The following TRAF3 variants were observed in gnomAD, a reference collection of about 807,000 sequenced individuals.
The protein encoded by TRAF3 is TNF receptor-associated factor 3.
A neutral mutation model predicts 62.3 loss-of-function variants in TRAF3; 13 were observed. That is an observed-to-expected ratio of 0.21 (90% CI 0.14 to 0.33). The LOEUF (loss-of-function observed/expected upper bound fraction) is 0.33, where lower values mean the gene tolerates loss of function less well. Ranked by LOEUF, TRAF3 falls within the 10% of genes least tolerant of loss-of-function variation. The pLI is 1.00. For synonymous variants in TRAF3, 269 were observed against 283.4 expected, an observed-to-expected ratio of 0.95 and a Z score of 0.51; for missense variants, 440 against 741.8, an observed-to-expected ratio of 0.59 and a Z score of 4.73.
chr14:102,878,040 C>T (rs1888816896), intron 6 of TRAF3, among the ~76,000 whole-genome samples: 1 of 152,176 alleles, frequency 6.6e-6, no homozygotes, highest in Non-Finnish European at 1.5e-5. Context: ...TTTGTTTTGC[C>T]TATTTTGATT....
rs184838899 is a variant in TRAF3, at chr14:102,808,231, G to A, written c.-156-22103G>A. On this transcript the variant is annotated intron_variant, in intron 1 of 11. Coordinates refer to ENST00000392745, the MANE Select transcript of TRAF3 (RefSeq NM_145725.3). Reference sequence around the variant, plus strand: ...ATGGATGTGAAAGAAGAACACACTAGGCCAGGTGCGGTGGCTCACACCTGT... The same window carrying A: ...ATGGATGTGAAAGAAGAACACACTAAGCCAGGTGCGGTGGCTCACACCTGT... Among the ~76,000 whole-genome samples the A allele has an allele frequency of 2.9e-3, 448 of 152,260 alleles. 3 individuals carry two copies. Among genetic ancestry groups the A allele is most frequent in the Non-Finnish European group, 2.9e-3 (195 of 68,026 alleles).
At chr14:102,780,103 G>A (rs1052375346) in intron 1 of TRAF3, among the ~76,000 whole-genome samples, 2 of 152,098 alleles carry the variant, frequency 1.3e-5, no homozygotes, top group South Asian at 2.1e-4. Flanking sequence ...AGGAGGTGAG[G>A]CCAGAGGATT....
chr14:102,853,651 A>G (rs1887183067), intron 2 of TRAF3, among the ~76,000 whole-genome samples: 1 of 152,022 alleles, frequency 6.6e-6, no homozygotes, highest in East Asian at 1.9e-4. Context: ...CCTCGCCAAC[A>G]TGGTGAAACC....
chr14:102,867,766 G>A (rs1226006687), intron 2 of TRAF3, among the ~76,000 whole-genome samples: 1 of 152,170 alleles, frequency 6.6e-6, no homozygotes, highest in African/African-American at 2.4e-5. Flanking sequence ...TAATGGACCG[G>A]CAAGTTTGTA....
chr14:102,850,297 T>G (rs1886958850), intron 2 of TRAF3, among the ~76,000 whole-genome samples: 1 of 152,166 alleles, frequency 6.6e-6, no homozygotes, highest in Admixed American at 6.6e-5. Context: ...ATGCCTTTCA[T>G]TTAGCTAAAA....
intron 2 of TRAF3, among the ~76,000 whole-genome samples, chr14:102,858,528 A>G (rs1008732897): frequency 5.4e-5 from 4 of 74,288 alleles, no homozygotes; most frequent in East Asian, 5.2e-4. Context: ...TTGAAGTCCT[A>G]TAATAGCTGA....
chr14:102,897,779 G>A (rs916935162), intron 10 of TRAF3, among the ~76,000 whole-genome samples: 3 of 152,224 alleles, frequency 2.0e-5, no homozygotes, highest in African/African-American at 7.2e-5. Flanking sequence ...CCTGCAGTGA[G>A]GTGCTGTGCA....
chr14:102,889,796 A>T (rs1889607601), intron 8 of TRAF3, among the ~76,000 whole-genome samples, 162 bp downstream of exon 8: 1 of 152,238 alleles, frequency 6.6e-6, no homozygotes, highest in African/African-American at 2.4e-5. Context: ...AGCAGGTGGG[A>T]TGCTCGCTTT....
intron 2 of TRAF3, among the ~76,000 whole-genome samples, chr14:102,867,881 A>C (rs1361440311): frequency 6.6e-6 from 1 of 152,232 alleles, no homozygotes; most frequent in Non-Finnish European, 1.5e-5. Flanking sequence ...TGTTCTATGA[A>C]GCTAACCCAA....
intron 2 of TRAF3, among the ~76,000 whole-genome samples, chr14:102,859,265 A>G (rs910404801): frequency 2.0e-5 from 3 of 151,818 alleles, no homozygotes; most frequent in African/African-American, 7.3e-5. Context: ...TTCCCTACAC[A>G]CCTTGCATGT....
chr14:102,874,010 A>G (rs1288254517), intron 4 of TRAF3, among the ~76,000 whole-genome samples: 4 of 152,182 alleles, frequency 2.6e-5, no homozygotes. Flanking sequence ...CTGGGATCCC[A>G]GGACTTTGGG....
chr14:102,872,251 G>A (rs529421905), intron 4 of TRAF3, among the ~76,000 whole-genome samples: 3 of 152,340 alleles, frequency 2.0e-5, no homozygotes, highest in South Asian at 4.1e-4. Flanking sequence ...GGTGTGAGGA[G>A]TAAGGGGTTG....
At chr14:102,796,539 G>A (rs897274502) in intron 1 of TRAF3, among the ~76,000 whole-genome samples, 1 of 152,192 alleles carries the variant, frequency 6.6e-6, no homozygotes, top group Non-Finnish European at 1.5e-5. Flanking sequence ...GTGGGGATGG[G>A]GGGTGGACAG....
chr14:102,889,865 A>C (rs1035392830), intron 8 of TRAF3, among the ~76,000 whole-genome samples: 1 of 152,238 alleles, frequency 6.6e-6, no homozygotes, highest in African/African-American at 2.4e-5. Context: ...AAGTTAATAC[A>C]TTAAGAGAAG....
chr14:102,851,758 TATC>T (rs1478969589), intron 2 of TRAF3, among the ~76,000 whole-genome samples: 1 of 150,026 alleles, frequency 6.7e-6, no homozygotes, highest in Non-Finnish European at 1.5e-5. Flanking sequence ...AAAAAGAAAT[TATC>T]ATCACAGGCC....
chr14:102,808,156 C>G lies in TRAF3; in HGVS notation c.-156-22178C>G, dbSNP rs568805062. 4.6e-5 allele frequency among the ~76,000 whole-genome samples: 7 copies of G among 152,240 alleles called. No individual in the cohort carries two copies. The East Asian group carries it at 1.3e-3, about 29-fold the overall frequency. The stretch of plus-strand genomic sequence containing the variant: ...ACAGAGAGTCACTTTGGCCACGTCC[C>G]TGGTTTGCCACAGGCTGATACTGGA... On this transcript the variant is annotated intron_variant, in intron 1 of 11. Coordinates refer to ENST00000392745, the MANE Select transcript of TRAF3 (RefSeq NM_145725.3).
chr14:102,820,598 ATATATATATATATATATTTTTTTTTT>A (rs1196694454), intron 1 of TRAF3, among the ~76,000 whole-genome samples: 2 of 13,260 alleles, frequency 1.5e-4, no homozygotes, highest in African/African-American at 5.3e-4. Flanking sequence ...ATATATATAT[ATATATATATATATATATTTTTTTTTT>A]TTTTTTTTTT....
chr14:102,860,776 C>G (rs1887634306), intron 2 of TRAF3, among the ~76,000 whole-genome samples: 1 of 152,248 alleles, frequency 6.6e-6, no homozygotes, highest in Admixed American at 6.5e-5. Flanking sequence ...TGGGCAGTTT[C>G]CACTGCTTTT....
rs544518598 is a variant in TRAF3, at chr14:102,793,611, C to G, written c.-157+15936C>G. On this transcript the variant is annotated intron_variant, in intron 1 of 11. Coordinates refer to ENST00000392745, the MANE Select transcript of TRAF3 (RefSeq NM_145725.3). ...CCATGTACTTCCCCTCTTCTCAACA[C>G]AGACACATTCATGTTGTAGTGCCAG... is the stretch of plus-strand genomic sequence containing the variant. Among the ~76,000 whole-genome samples the G allele has an allele frequency of 2.0e-5, 3 of 152,326 alleles. No homozygotes were observed. In the East Asian group the frequency reaches 5.8e-4, roughly 29 times the overall value.
Sources: allele counts gnomAD v4.1 joint callset (sites outside exome capture counted in the v4.1 genomes callset), GRCh38; gene constraint gnomAD v4.1.1; transcripts MANE v1.5; gene names NCBI Gene and HGNC (gene_info 2026-07-23, HGNC 2026-07-21).